The following ODF2 variants were observed in gnomAD, a reference collection of about 807,000 sequenced individuals.
ODF2 encodes the protein outer dense fiber of sperm tails 2, also known as outer dense fiber protein 2.
Under a neutral mutation model 110.2 loss-of-function variants are expected in ODF2, and 47 were observed. The ratio of observed to expected loss-of-function variants is 0.43; its 90% confidence interval spans 0.34 to 0.54. ODF2 has a LOEUF of 0.54. ODF2 is among the 20% of genes least tolerant of loss of function. The probability of loss-of-function intolerance (pLI) is 0.03; values close to 1 mark genes in which losing one functional copy is unlikely to be tolerated. For synonymous variants in ODF2, 352 were observed against 397.7 expected (o/e 0.89, Z 1.37); for missense variants, 812 against 1,054.5 (o/e 0.77, Z 3.19).
At chr9:128,484,174 A>T in intron 11 of ODF2, 120 bp downstream of exon 11, 1 of 724,220 alleles carries the variant, frequency 1.4e-6, no homozygotes, top group South Asian at 1.6e-5. Context: ...GAGGCAGCTG[A>T]TGACAAAATA....
chr9:128,457,532 T>C, intron 2 of ODF2: 2 of 1,434,088 alleles, frequency 1.4e-6, no homozygotes, highest in East Asian at 4.8e-5. Flanking sequence ...AGCTTCCTCA[T>C]TGTGTTTGCT....
chr9:128,489,246 C>T (rs914344412), intron 14 of ODF2, among the ~76,000 whole-genome samples: 1 of 152,172 alleles, frequency 6.6e-6, no homozygotes, highest in Non-Finnish European at 1.5e-5. Context: ...TGGGCAATAA[C>T]ATCTAGCTTT....
At chr9:128,477,868 G>A (rs1348603105) in intron 8 of ODF2, among the ~76,000 whole-genome samples, 1 of 151,726 alleles carries the variant, frequency 6.6e-6, no homozygotes, top group Non-Finnish European at 1.5e-5. Flanking sequence ...CAAAGTGCTG[G>A]GATTACAGGG....
chr9:128,488,102 C>A, intron 14 of ODF2, 77 bp downstream of exon 14: 1 of 1,536,794 alleles, frequency 6.5e-7, no homozygotes, highest in Middle Eastern at 2.1e-4. Flanking sequence ...TTACGTGGGC[C>A]TGGGGGCATC....
At chr9:128,487,812 C>A (rs201089175) in intron 13 of ODF2, 78 bp from the exon 14 acceptor site, 316,490 of 1,379,790 alleles carry the variant, frequency 0.23, 33,825 homozygotes, top group East Asian at 0.39. Context: ...AAAACACACA[C>A]ACACACACAC....
At chr9:128,488,095 C>A in intron 14 of ODF2, 70 bp downstream of exon 14, 1 of 1,574,776 alleles carries the variant, frequency 6.4e-7, no homozygotes, top group Non-Finnish European at 8.7e-7. Context: ...TCTTGTCTTA[C>A]GTGGGCCTGG....
chr9:128,457,198 G>T, exon 2 of ODF2: 1 of 1,552,972 alleles, frequency 6.4e-7, no homozygotes, highest in Non-Finnish European at 8.7e-7. Flanking sequence ...ACTTTGGCAG[G>T]ACAGTTGCTG....
Position 128,459,562 on chromosome 9 carries a change from T to A in ODF2, c.33-5T>A. 1 of 1,612,884 alleles carries A rather than the reference T, an allele frequency of 6.2e-7. No homozygotes were observed. ...TTACAATCTGGTTCTTGTGCCTGGG[T>A]GCAGGTTTCCATCGTGTGGGAAGAA... On this transcript the variant is annotated splice_region_variant and splice_polypyrimidine_tract_variant and intron_variant, in intron 2 of 20. Coordinates refer to ENST00000604420, the Ensembl canonical transcript of ODF2.
chr9:128,500,213 C>T, exon 21 of ODF2: 1 of 1,614,234 alleles, frequency 6.2e-7, no homozygotes, highest in Non-Finnish European at 8.5e-7. Context: ...ATTCCACCTT[C>T]CTGACTAGCT....
At chr9:128,497,609 A>G (rs1845889747) in intron 18 of ODF2, 1 of 150,312 alleles carries the variant, frequency 6.7e-6, no homozygotes. Flanking sequence ...GCACCACTGC[A>G]CTCCAGCCTG....
intron 8 of ODF2, among the ~76,000 whole-genome samples, chr9:128,477,787 CGGGG>C (rs1744749944): frequency 1.3e-5 from 2 of 151,142 alleles, no homozygotes; most frequent in African/African-American, 2.4e-5. Flanking sequence ...TTAGTTGAGA[CGGGG>C]TTTCACCATG....
At chr9:128,456,024 C>G (rs1834682356), upstream of ODF2, 36 of 1,443,324 alleles carry the variant, frequency 2.5e-5, 1 homozygote, top group South Asian at 4.8e-4. Flanking sequence ...CGGGGCATCT[C>G]TGTGACGCTA....
chr9:128,480,369 A>G (rs1017253058), intron 8 of ODF2, among the ~76,000 whole-genome samples: 1 of 152,264 alleles, frequency 6.6e-6, no homozygotes, highest in Non-Finnish European at 1.5e-5. Flanking sequence ...TAACACATCC[A>G]TCACGTCACA....
In ODF2 at chr9:128,485,254, T is replaced by C. The variant is rs537865441; in HGVS notation, c.1291-111T>C. ...CCCTCTAGAAAGGTGAATTCCAGAATGAGGTTTAGGTTACCAGGGTGAGAA... is the reference window on the plus strand; with the variant it reads ...CCCTCTAGAAAGGTGAATTCCAGAACGAGGTTTAGGTTACCAGGGTGAGAA... On this transcript the variant is annotated intron_variant, in intron 12 of 20. Transcript: ENST00000604420. The surrounding 1 kb of genome is among the most constrained non-coding windows in gnomAD (Gnocchi z 5.0). The C allele has an allele frequency of 5.3e-5, 34 of 641,848 alleles. No individual in the cohort carries two copies. Among genetic ancestry groups the C allele is most frequent in the Non-Finnish European group, 8.6e-5 (31 of 359,034 alleles). The allele number at this position is 641,848 out of a possible 1,614,324, so 39.8% of individuals were successfully genotyped here. A position where few individuals can be genotyped will look rare whatever the true frequency, so the allele number is the denominator to read the frequency against.
rs1219990791 is a variant in ODF2 at position 128,500,404 on chromosome 9, A to C, written c.*149A>C. On this transcript the variant is annotated 3_prime_UTR_variant, in exon 21 of 21. Transcript: ENST00000604420. Reference sequence around the variant, plus strand: ...TAGCTACTAGCTCTAGAAAAGTCCCAAAAGCAGCAGAAGGTGAAGCAGGAA... The same window carrying C: ...TAGCTACTAGCTCTAGAAAAGTCCCCAAAGCAGCAGAAGGTGAAGCAGGAA... The C allele has an allele frequency of 4.4e-6, 3 of 689,142 alleles. No individual in the cohort carries two copies. In the Admixed American group the frequency reaches 8.2e-5, roughly 19 times the overall value. The allele number at this position is 689,142 out of a possible 1,614,324, so 42.7% of individuals were successfully genotyped here.
At chr9:128,471,934 G>A (rs1325462111) in intron 6 of ODF2, among the ~76,000 whole-genome samples, 1 of 152,164 alleles carries the variant, frequency 6.6e-6, no homozygotes, top group Non-Finnish European at 1.5e-5. Context: ...CAGCCACTTT[G>A]AGGCATTTGC....
chr9:128,484,998 T>C, intron 12 of ODF2, 112 bp downstream of exon 12: 1 of 1,149,658 alleles, frequency 8.7e-7, no homozygotes, highest in East Asian at 2.6e-5. Context: ...TGAGGGATGG[T>C]AGTGGTGGAA....
intron 4 of ODF2, among the ~76,000 whole-genome samples, chr9:128,466,644 C>CATAT (rs10591401): frequency 0.022 from 3,147 of 142,686 alleles, 58 homozygotes; most frequent in South Asian, 0.042. Context: ...CACACTTTCC[C>CATAT]ATATATATAT....
chr9:128,467,685 C>T (rs2131642271), intron 4 of ODF2, among the ~76,000 whole-genome samples: 1 of 137,114 alleles, frequency 7.3e-6, no homozygotes, highest in African/African-American at 2.8e-5. Flanking sequence ...GCGGAGGTTG[C>T]AGTGAGCCGA....
Sources: allele counts gnomAD v4.1 joint callset (sites outside exome capture counted in the v4.1 genomes callset), GRCh38; gene constraint gnomAD v4.1.1; non-coding constraint Gnocchi (gnomAD v3.1); transcripts MANE v1.5; gene names NCBI Gene and HGNC (gene_info 2026-07-23, HGNC 2026-07-21).